Variants in RP1 observed in about 807,000 individuals in gnomAD.
RP1 encodes RP1 axonemal microtubule associated, also known as oxygen-regulated protein 1.
In RP1, 16 loss-of-function variants were observed where a neutral mutation model predicts 14.8. The ratio of observed to expected loss-of-function variants is 1.08; its 90% CI spans 0.73 to 1.65. RP1 has a LOEUF of 1.65. RP1 is among the 40% of genes most tolerant of loss of function. RP1 has a pLI of 0.00. For synonymous variants in RP1, 876 were observed against 883.6 expected, an observed-to-expected ratio of 0.99 and a Z score of 0.15; for missense variants, 2,631 against 2,535.0, an observed-to-expected ratio of 1.04 and a Z score of -0.81.
At chr8:54,798,602 A>G (rs1213126858) in intron 24 of RP1, among the ~76,000 whole-genome samples, 1 of 152,190 alleles carries the variant, frequency 6.6e-6, no homozygotes. Context: ...CAGGCATAAG[A>G]CAACAGAGGC....
At chr8:54,669,884 G>T (rs1328842900) in intron 7 of RP1, among the ~76,000 whole-genome samples, 1 of 151,818 alleles carries the variant, frequency 6.6e-6, no homozygotes, top group Non-Finnish European at 1.5e-5. Context: ...TGGTGGGGTG[G>T]GAGGGAAGGG....
At chr8:54,737,035 A>T (rs1808949658) in intron 18 of RP1, among the ~76,000 whole-genome samples, 1 of 152,112 alleles carries the variant, frequency 6.6e-6, no homozygotes, top group South Asian at 2.1e-4. Context: ...TTTGTCTTTC[A>T]TTCTCTTTTC....
chr8:54,844,612 A>T (rs925086752), intron 25 of RP1, among the ~76,000 whole-genome samples: 1 of 151,968 alleles, frequency 6.6e-6, no homozygotes, highest in African/African-American at 2.4e-5. Flanking sequence ...ATGTGTGTGC[A>T]TGTGTAGACA....
At position 54,626,353 on chromosome 8, in the gene RP1, A is replaced by G. The variant is rs768767284; in HGVS notation, c.2471A>G (p.Asn824Ser). ...FENKSLFHVF[N>S]ILEQKPKDFY... is the part of the protein sequence containing the mutation. Reference sequence around the variant, plus strand: ...AACAAAAGTTTATTTCATGTATTTAACATCCTTGAGCAAAAACCCAAAGAT... The same window carrying G: ...AACAAAAGTTTATTTCATGTATTTAGCATCCTTGAGCAAAAACCCAAAGAT... Residue 824 changes from asparagine to serine, a missense_variant, in exon 4 of 4, where the codon AAC (asparagine) becomes AGC (serine). Transcript: ENST00000220676. 35 of 1,613,550 alleles carry G rather than the reference A, an allele frequency of 2.2e-5. No individual in the cohort carries two copies. Among genetic ancestry groups the G allele is most frequent in the Middle Eastern group, 1.6e-4 (1 of 6,082 alleles).
At chr8:54,830,333 C>G (rs1377910916) in intron 24 of RP1, among the ~76,000 whole-genome samples, 1 of 151,244 alleles carries the variant, frequency 6.6e-6, no homozygotes, top group African/African-American at 2.4e-5. Flanking sequence ...GCACAATGTG[C>G]AGGTTTGTTA....
chr8:54,808,294 C>T lies in RP1; in HGVS notation c.3615+24584C>T, dbSNP rs183279314. Among the ~76,000 whole-genome samples, 5 of 152,324 alleles carry T rather than the reference C, an allele frequency of 3.3e-5. No homozygotes were observed. The East Asian group carries it at 9.7e-4, about 29-fold the overall frequency. On this transcript the variant is annotated intron_variant, in intron 24 of 28. Coordinates refer to the RP1 transcript ENST00000637698. ...CCACTGCCCTCTAACTACCTGACTT[C>T]CCCGCGGCTCTGCACGAAGGTGTCT... is the stretch of plus-strand genomic sequence containing the variant.
intron 1 of RP1, among the ~76,000 whole-genome samples, chr8:54,598,229 T>G (rs999707961): frequency 1.3e-5 from 2 of 152,204 alleles, no homozygotes; most frequent in Non-Finnish European, 1.5e-5. Flanking sequence ...TTCATATACT[T>G]CCTGTGGAAT....
intron 22 of RP1, chr8:54,769,681 A>C: frequency 1.4e-5 from 16 of 1,105,478 alleles, no homozygotes; most frequent in Non-Finnish European, 1.7e-5. Flanking sequence ...GAAAATCAGA[A>C]ATTAATTTTC....
intron 1 of RP1, among the ~76,000 whole-genome samples, chr8:54,566,298 G>T (rs1168448239): frequency 6.6e-6 from 1 of 152,086 alleles, no homozygotes; most frequent in African/African-American, 2.4e-5. Context: ...GTGTCGTCCT[G>T]ATAAGAGAGG....
At chr8:54,722,120 G>A (rs1160834756) in intron 16 of RP1, among the ~76,000 whole-genome samples, 3 of 151,616 alleles carry the variant, frequency 2.0e-5, no homozygotes, top group African/African-American at 7.3e-5. Context: ...GTGCACGCCT[G>A]TAATCCCAGC....
chr8:54,675,729 T>C (rs866302364), intron 8 of RP1, among the ~76,000 whole-genome samples: 1 of 152,132 alleles, frequency 6.6e-6, no homozygotes, highest in Non-Finnish European at 1.5e-5. Context: ...GAACTATAAG[T>C]ACAGTCTAAC....
chr8:54,591,012 A>G (rs948026957), intron 1 of RP1, among the ~76,000 whole-genome samples: 9 of 152,182 alleles, frequency 5.9e-5, no homozygotes, highest in Admixed American at 3.3e-4. Flanking sequence ...AAGTCTCAAC[A>G]GTTCCATTCC....
chr8:54,757,423 G>C (rs1404032536), intron 21 of RP1, among the ~76,000 whole-genome samples: 1 of 152,214 alleles, frequency 6.6e-6, no homozygotes, highest in African/African-American at 2.4e-5. Flanking sequence ...AAAGCCAACT[G>C]AGAGACAAAG....
intron 19 of RP1, among the ~76,000 whole-genome samples, chr8:54,747,548 C>T (rs1714678906): frequency 6.6e-6 from 1 of 152,224 alleles, no homozygotes; most frequent in Non-Finnish European, 1.5e-5. Flanking sequence ...AGATGTTAAA[C>T]ATTTGTGGAA....
intron 25 of RP1, among the ~76,000 whole-genome samples, chr8:54,849,893 G>C (rs528213415): frequency 6.6e-6 from 1 of 152,210 alleles, no homozygotes; most frequent in African/African-American, 2.4e-5. Context: ...TGAAGATAAC[G>C]ACATTGCAAA....
At chr8:54,615,727 C>T (rs1449952680), upstream of RP1, among the ~76,000 whole-genome samples, 1 of 152,086 alleles carries the variant, frequency 6.6e-6, no homozygotes, top group Non-Finnish European at 1.5e-5. Context: ...AAATGATTAC[C>T]AGGAGCAAGT....
At chr8:54,669,796 A>G (rs1435694921) in intron 7 of RP1, among the ~76,000 whole-genome samples, 2 of 143,392 alleles carry the variant, frequency 1.4e-5, no homozygotes, top group Non-Finnish European at 3.0e-5. Context: ...CAAACACCGC[A>G]TGTTCTCACT....
intron 24 of RP1, among the ~76,000 whole-genome samples, chr8:54,828,867 TTTCTTCTTCTTCTTC>T (rs1477251697): frequency 1.4e-5 from 2 of 146,000 alleles, no homozygotes; most frequent in African/African-American, 2.5e-5. Context: ...TTCTTTCTTC[TTTCTTCTTCTTCTTC>T]TTTTTTTTTT....
chr8:54,726,524 ATT>A, intron 17 of RP1: 1 of 1,497,656 alleles, frequency 6.7e-7, no homozygotes, highest in Non-Finnish European at 8.8e-7. Context: ...TTGCTGCATT[ATT>A]TCTTCCTGTG....
Sources: allele counts gnomAD v4.1 joint callset (sites outside exome capture counted in the v4.1 genomes callset), GRCh38; gene constraint gnomAD v4.1.1; transcripts MANE v1.5; gene names NCBI Gene and HGNC (gene_info 2026-07-23, HGNC 2026-07-21).